The following PRCD variants were observed in gnomAD, a reference collection of about 807,000 sequenced individuals.
The protein encoded by PRCD is photoreceptor disk component PRCD.
In PRCD, 12 loss-of-function variants were observed where a neutral mutation model predicts 10.1. The ratio of observed to expected loss-of-function variants is 1.18; its 90% confidence interval spans 0.76 to 1.92. The LOEUF is 1.92. Ranked by LOEUF, PRCD falls within the 40% of genes most tolerant of loss-of-function variation. The pLI, the probability that PRCD is intolerant of heterozygous loss-of-function variation, is 0.00. For missense variants in PRCD, 61 were observed against 72.2 expected (o/e 0.84, Z 0.56); for synonymous variants, 31 against 26.2 (o/e 1.18, Z -0.56).
At chr17:76,537,393 C>T, upstream of PRCD, 1 of 1,586,858 alleles carries the variant, frequency 6.3e-7, no homozygotes, top group Non-Finnish European at 8.6e-7. Context: ...GGCCGGGCGA[C>T]ACCTACCTCA....
chr17:76,540,631 G>A lies in PRCD; in HGVS notation c.143+58G>A. The A allele has an allele frequency of 6.5e-7, 1 of 1,548,586 alleles. No homozygotes were observed. The highest frequency in any genetic ancestry group is 8.9e-7 in the Non-Finnish European group (1 of 1,123,970). ...GTGCTGCCAAGGAAGCTGTGGCTGT[G>A]CATGCCTGGGGGTGCACGTGTGTGC... On this transcript the variant is annotated intron_variant, in intron 2 of 4. Transcript: ENST00000592014. The surrounding 1 kb of genome is among the most constrained non-coding windows in gnomAD (Gnocchi z 5.0).
downstream of PRCD, chr17:76,547,405 G>T: frequency 6.5e-6 from 1 of 152,946 alleles, no homozygotes. Context: ...GTTTTTGCAG[G>T]GGGAGGGTGC....
chr17:76,539,527 G>A (rs566185785), upstream of PRCD, among the ~76,000 whole-genome samples: 46 of 152,248 alleles, frequency 3.0e-4, no homozygotes, highest in African/African-American at 1.0e-3. Context: ...TGAGTCTCCC[G>A]TCTCTCTGGC....
rs1399327687 is a variant in PRCD at position 76,530,825 on chromosome 17, G to GCCTGTTCTTACATGTCAGA, written n.45+2995_45+3013dup. Among the ~76,000 whole-genome samples, 91 of 152,242 alleles carry GCCTGTTCTTACATGTCAGA rather than the reference G, an allele frequency of 6.0e-4. No homozygotes were observed. Among genetic ancestry groups the GCCTGTTCTTACATGTCAGA allele is most frequent in the African/African-American group, 2.0e-3 (85 of 41,544 alleles). On this transcript the variant is annotated intron_variant and non_coding_transcript_variant, in intron 1 of 4. Coordinates refer to the PRCD transcript ENST00000397633. This position sits in a 1 kb window ranked among gnomAD's most constrained non-coding sequence, Gnocchi z 6.1. ...CCATCTTGAAGGCCTTTCCTATTATGCCTGTTCTTACATGTCAGACCCCAG... is the reference window on the plus strand; with the variant it reads ...CCATCTTGAAGGCCTTTCCTATTATGCCTGTTCTTACATGTCAGACCTGTTCTTACATGTCAGACCCCAG...
chr17:76,541,536 GTCTGAGTCCTGGGAT>G (rs1041371437), intron 2 of PRCD, among the ~76,000 whole-genome samples: 2 of 152,092 alleles, frequency 1.3e-5, no homozygotes, highest in African/African-American at 4.8e-5. Flanking sequence ...GTCTCCTGTC[GTCTGAGTCCTGGGAT>G]TCTGAGTCCT....
Position 76,531,285 on chromosome 17 carries a change from A to G in PRCD, n.45+3452A>G, listed in dbSNP as rs1567906461. 4 of 1,213,134 alleles carry G rather than the reference A, an allele frequency of 3.3e-6. No homozygotes were observed. In the East Asian group the frequency reaches 1.0e-4, roughly 31 times the overall value. The allele number at this position is 1,213,134 out of a possible 1,614,324, so 75.1% of individuals were successfully genotyped here. A position where few individuals can be genotyped will look rare whatever the true frequency, so the allele number is the denominator to read the frequency against. On this transcript the variant is annotated intron_variant and non_coding_transcript_variant, in intron 1 of 4. Transcript: ENST00000397633. This position sits in a 1 kb window ranked among gnomAD's most constrained non-coding sequence, Gnocchi z 7.4. ...GCTTTGGGAACCCCGTGCTCTCAGG[A>G]CAAGGGTTGCCCTGGACCCAGCCCC...
In PRCD at chr17:76,531,004, C is replaced by A. The variant is rs2074832135; in HGVS notation, n.45+3171C>A. 1.2e-6 allele frequency: 2 copies of A among 1,611,918 alleles called. No homozygotes were observed. Among genetic ancestry groups the A allele is most frequent in the Non-Finnish European group, 1.7e-6 (2 of 1,179,048 alleles). On this transcript the variant is annotated intron_variant and non_coding_transcript_variant, in intron 1 of 4. Transcript: ENST00000397633. This position sits in a 1 kb window ranked among gnomAD's most constrained non-coding sequence, Gnocchi z 7.4. Reference sequence around the variant, plus strand: ...GTGGTGGCGTTGGGGACCTGCTGCACCCAGCCCACTTCCTTGTAGGCAGCG... The same window carrying A: ...GTGGTGGCGTTGGGGACCTGCTGCAACCAGCCCACTTCCTTGTAGGCAGCG...
chr17:76,540,802 C>T lies in PRCD; in HGVS notation c.143+229C>T, dbSNP rs925055752. Among the ~76,000 whole-genome samples, 2 of 152,236 alleles carry T rather than the reference C, an allele frequency of 1.3e-5. No homozygotes were observed. Among genetic ancestry groups the T allele is most frequent in the African/African-American group, 2.4e-5 (1 of 41,458 alleles). ...GCTCCTCTGGACCAAAGCCGCTGTGCCTCTCATCTCCAGCACGGGGCGGTC... is the reference window on the plus strand; with the variant it reads ...GCTCCTCTGGACCAAAGCCGCTGTGTCTCTCATCTCCAGCACGGGGCGGTC... On this transcript the variant is annotated intron_variant, in intron 2 of 4. Coordinates refer to ENST00000592014, the MANE Select transcript of PRCD (RefSeq NM_001077620.3). This position sits in a 1 kb window ranked among gnomAD's most constrained non-coding sequence, Gnocchi z 5.0.
rs951084606 is a variant in PRCD, at chr17:76,530,101, T to A, written n.45+2268T>A. The A allele has an allele frequency of 3.1e-6, 3 of 983,072 alleles. No homozygotes were observed. The African/African-American group carries it at 5.2e-5, about 17-fold the overall frequency. 60.9% of individuals were successfully genotyped at this position (983,072 alleles called of 1,614,324 possible). A position where few individuals can be genotyped will look rare whatever the true frequency, so the allele number is the denominator to read the frequency against. On this transcript the variant is annotated intron_variant and non_coding_transcript_variant, in intron 1 of 4. Transcript: ENST00000397633. The surrounding 1 kb of genome is among the most constrained non-coding windows in gnomAD (Gnocchi z 6.1). ...CGCCGCCTTTTCCATGGGAAACTGC[T>A]GGGAATGTTTCTCTACCACGGGAAT...
At position 76,540,659 on chromosome 17, in the gene PRCD, G is replaced by A; in HGVS notation, c.143+86G>A. On this transcript the variant is annotated intron_variant, in intron 2 of 4. Coordinates refer to ENST00000592014, the MANE Select transcript of PRCD (RefSeq NM_001077620.3). The surrounding 1 kb of genome is among the most constrained non-coding windows in gnomAD (Gnocchi z 5.0). Reference sequence around the variant, plus strand: ...TGCCTGGGGGTGCACGTGTGTGCCTGTGCGCGCCTGTGCGTGCACCGTATC... The same window carrying A: ...TGCCTGGGGGTGCACGTGTGTGCCTATGCGCGCCTGTGCGTGCACCGTATC... The A allele has an allele frequency of 3.1e-6, 4 of 1,306,758 alleles. No homozygotes were observed. Among genetic ancestry groups the A allele is most frequent in the Non-Finnish European group, 4.4e-6 (4 of 912,628 alleles). 80.9% of individuals were successfully genotyped at this position (1,306,758 alleles called of 1,614,324 possible). A position where few individuals can be genotyped will look rare whatever the true frequency, so the allele number is the denominator to read the frequency against.
chr17:76,536,247 G>C (rs2074912027), upstream of PRCD, among the ~76,000 whole-genome samples: 1 of 152,150 alleles, frequency 6.6e-6, no homozygotes, highest in Non-Finnish European at 1.5e-5. Flanking sequence ...TTCTGAGTTG[G>C]AATCAGGGCA....
rs1161152374 is a variant in PRCD, at chr17:76,540,971, G to C, written c.143+398G>C. ...GCCCTGCCTCAGCTAGGCTGCCTGA[G>C]CCTCCAGCAGGATTCGCTGTCCAGT... On this transcript the variant is annotated intron_variant, in intron 2 of 4. Transcript: ENST00000592014. This position sits in a 1 kb window ranked among gnomAD's most constrained non-coding sequence, Gnocchi z 5.0. 6.6e-6 allele frequency among the ~76,000 whole-genome samples: 1 copy of C among 152,176 alleles called. No homozygotes were observed. The highest frequency in any genetic ancestry group is 3.2e-3 in the Middle Eastern group (1 of 316).
chr17:76,547,090 C>T (rs2075059902), downstream of PRCD: 1 of 152,292 alleles, frequency 6.6e-6, no homozygotes, highest in South Asian at 2.1e-4. Context: ...GGGTCATTGC[C>T]ACCAATCTGT....
chr17:76,533,157 A>G lies in PRCD; in HGVS notation n.45+5324A>G, dbSNP rs2074868681. On this transcript the variant is annotated intron_variant and non_coding_transcript_variant, in intron 1 of 4. Coordinates refer to the PRCD transcript ENST00000397633. This position sits in a 1 kb window ranked among gnomAD's most constrained non-coding sequence, Gnocchi z 4.5. ...TGGCGGGGAAGTTTGCACAGTGACC[A>G]GGGCACAGTCTGTGTGGAGACTCAG... Among the ~76,000 whole-genome samples, 1 of 152,122 alleles carries G rather than the reference A, an allele frequency of 6.6e-6. No homozygotes were observed. The highest frequency in any genetic ancestry group is 6.6e-5 in the Admixed American group (1 of 15,260).
rs1277029966 is a variant in PRCD, at chr17:76,530,896, G to A, written n.45+3063G>A. ...GCCTGCCCAGGTGATCAGCCCCAGG[G>A]CCTCAGGAGATATGGGAGACCTCGG... is the stretch of plus-strand genomic sequence containing the variant. On this transcript the variant is annotated intron_variant and non_coding_transcript_variant, in intron 1 of 4. Coordinates refer to the PRCD transcript ENST00000397633. This position sits in a 1 kb window ranked among gnomAD's most constrained non-coding sequence, Gnocchi z 6.1. 3.5e-6 allele frequency: 5 copies of A among 1,438,770 alleles called. No homozygotes were observed. The highest frequency in any genetic ancestry group is 4.6e-6 in the Non-Finnish European group (5 of 1,076,772). The allele number at this position is 1,438,770 out of a possible 1,614,324, so 89.1% of individuals were successfully genotyped here.
downstream of PRCD, chr17:76,546,815 A>C (rs1029165018): frequency 4.6e-5 from 7 of 152,168 alleles, no homozygotes; most frequent in African/African-American, 4.8e-5. The surrounding 1 kb of genome is among the most constrained non-coding windows in gnomAD (Gnocchi z 4.5). Flanking sequence ...TATTTTACGC[A>C]CTGTTTCATT....
At position 76,540,458 on chromosome 17, in the gene PRCD, G is replaced by A; in HGVS notation, c.75-47G>A. On this transcript the variant is annotated intron_variant, in intron 1 of 4. Coordinates refer to ENST00000592014, the MANE Select transcript of PRCD (RefSeq NM_001077620.3). This position sits in a 1 kb window ranked among gnomAD's most constrained non-coding sequence, Gnocchi z 5.0. ...CTGGACCTGTGGAGGGACAGTGAGG[G>A]GCTGGGCACAGCCATAGCTCTTCCT... 1 of 1,598,962 alleles carries A rather than the reference G, an allele frequency of 6.3e-7. No individual in the cohort carries two copies. Among genetic ancestry groups the A allele is most frequent in the Non-Finnish European group, 8.6e-7 (1 of 1,166,780 alleles).
chr17:76,530,399 C>T lies in PRCD; in HGVS notation n.45+2566C>T, dbSNP rs2074822336. Among the ~76,000 whole-genome samples, 1 of 152,178 alleles carries T rather than the reference C, an allele frequency of 6.6e-6. No homozygotes were observed. The highest frequency in any genetic ancestry group is 2.4e-5 in the African/African-American group (1 of 41,438). On this transcript the variant is annotated intron_variant and non_coding_transcript_variant, in intron 1 of 4. Transcript: ENST00000397633. This position sits in a 1 kb window ranked among gnomAD's most constrained non-coding sequence, Gnocchi z 6.1. Reference sequence around the variant, plus strand: ...GGCCCAGAACTGGAAGCCCAGCCTCCAGGTCAGCCTGGAAGTAAACATGCC... The same window carrying T: ...GGCCCAGAACTGGAAGCCCAGCCTCTAGGTCAGCCTGGAAGTAAACATGCC...
At position 76,542,533 on chromosome 17, in the gene PRCD, C is replaced by T. The variant is rs371456834; in HGVS notation, c.144-20C>T. ...AGGTCGTGCCCTTCAATCCTGACCC[C>T]AGTGCTTTCCTCTGTTTAGGGAGAA... is the stretch of plus-strand genomic sequence containing the variant. On this transcript the variant is annotated intron_variant, in intron 2 of 4. Coordinates refer to ENST00000592014, the MANE Select transcript of PRCD (RefSeq NM_001077620.3). 5.2e-5 allele frequency: 84 copies of T among 1,614,054 alleles called. No individual in the cohort carries two copies. The highest frequency in any genetic ancestry group is 6.6e-5 in the Non-Finnish European group (78 of 1,180,022).
Sources: gnomAD v4.1 joint callset for allele counts (sites outside exome capture counted in the v4.1 genomes callset) on GRCh38, gnomAD v4.1.1 for gene constraint, Gnocchi (gnomAD v3.1) non-coding constraint, MANE v1.5 for transcripts, NCBI Gene and HGNC (gene_info 2026-07-23, HGNC 2026-07-21) for gene names.